KCNC2: variants seen among roughly 807,000 people sequenced by gnomAD.
The protein encoded by KCNC2 is potassium voltage-gated channel subfamily C member 2.
A neutral mutation model predicts 44.5 loss-of-function variants in KCNC2; 21 were observed. That is an observed-to-expected ratio of 0.47 (90% CI 0.33 to 0.68). The LOEUF is 0.68. KCNC2 is among the 30% of genes least tolerant of loss of function. The probability of loss-of-function intolerance (pLI) is 0.01; values close to 1 mark genes in which losing one functional copy is unlikely to be tolerated. For synonymous variants in KCNC2, 391 were observed against 339.1 expected, an observed-to-expected ratio of 1.15 and a Z score of -1.68; for missense variants, 589 against 826.2, an observed-to-expected ratio of 0.71 and a Z score of 3.52.
intron 2 of KCNC2, among the ~76,000 whole-genome samples, chr12:75,069,187 T>A (rs1007214493): frequency 6.3e-5 from 8 of 127,338 alleles, no homozygotes; most frequent in Non-Finnish European, 9.5e-5. Context: ...CAGGCTGGAG[T>A]GCAAAGACGT....
chr12:75,115,750 A>G (rs1011055692), intron 2 of KCNC2, among the ~76,000 whole-genome samples: 2 of 152,144 alleles, frequency 1.3e-5, no homozygotes, highest in African/African-American at 4.8e-5. Context: ...GATTCTTCGT[A>G]TCTTTTTTTA....
At chr12:75,096,675 CAA>C (rs1885951490) in intron 2 of KCNC2, among the ~76,000 whole-genome samples, 1 of 151,736 alleles carries the variant, frequency 6.6e-6, no homozygotes, top group Admixed American at 6.6e-5. Context: ...AAAACAATTG[CAA>C]AAAAGTACAT....
intron 2 of KCNC2, among the ~76,000 whole-genome samples, chr12:75,057,447 T>G (rs11180347): frequency 0.42 from 63,274 of 151,812 alleles, 16,461 homozygotes; most frequent in Non-Finnish European, 0.59. Context: ...CAGTTTCTTC[T>G]GAGGCTGTTG....
rs114176901 is a variant in KCNC2 at position 75,069,085 on chromosome 12, G to A, written c.688-17768C>T. 6.1e-3 allele frequency among the ~76,000 whole-genome samples: 835 copies of A among 137,364 alleles called. 6 individuals are homozygous for A. Among genetic ancestry groups the A allele is most frequent in the African/African-American group, 0.021 (807 of 38,528 alleles). The allele number at this position is 137,364 out of a possible 152,430, so 90.1% of individuals were successfully genotyped here. ...AAATACCTTAAACATAGCTAAAACA[G>A]AAACATGGCACAGGACTAAAAAACA... On this transcript the variant is annotated intron_variant, in intron 2 of 4. Coordinates refer to ENST00000549446, the MANE Select transcript of KCNC2 (RefSeq NM_139137.4).
At chr12:75,081,270 C>G (rs1884478226) in intron 2 of KCNC2, among the ~76,000 whole-genome samples, 1 of 151,908 alleles carries the variant, frequency 6.6e-6, no homozygotes, top group African/African-American at 2.4e-5. Flanking sequence ...AATTGTAATA[C>G]TCAGTTAATT....
At chr12:75,177,266 A>G (rs2926146) in intron 2 of KCNC2, among the ~76,000 whole-genome samples, 151,864 of 151,864 alleles carry the variant, frequency 1, 75,932 homozygotes, top group Non-Finnish European at 1. Flanking sequence ...GAACAATGAA[A>G]AAAGTAATGC....
intron 2 of KCNC2, among the ~76,000 whole-genome samples, chr12:75,067,981 A>T (rs1448663343): frequency 6.6e-6 from 1 of 152,172 alleles, no homozygotes; most frequent in East Asian, 1.9e-4. Context: ...TGGAATGATC[A>T]TGGAGTTTAT....
At chr12:75,088,256 G>A (rs956871791) in intron 2 of KCNC2, among the ~76,000 whole-genome samples, 1 of 151,986 alleles carries the variant, frequency 6.6e-6, no homozygotes, top group Non-Finnish European at 1.5e-5. Context: ...TACTTCCTAA[G>A]TTTCAGTTTC....
chr12:75,095,564 T>C (rs141723948), intron 2 of KCNC2, among the ~76,000 whole-genome samples: 4 of 151,954 alleles, frequency 2.6e-5, no homozygotes, highest in Non-Finnish European at 4.4e-5. Context: ...GATTTGGGTA[T>C]ACATGTTATT....
At chr12:75,162,901 G>A (rs1298244556) in intron 2 of KCNC2, among the ~76,000 whole-genome samples, 2 of 151,642 alleles carry the variant, frequency 1.3e-5, no homozygotes, top group African/African-American at 4.8e-5. Flanking sequence ...CTTAGACCAC[G>A]ACCTGCTTCC....
At chr12:75,204,735 C>G (rs777673893) in intron 2 of KCNC2, among the ~76,000 whole-genome samples, 41 of 152,018 alleles carry the variant, frequency 2.7e-4, no homozygotes, top group African/African-American at 9.7e-4. Flanking sequence ...AGTCAGATAA[C>G]GTTGTCAGGT....
In KCNC2 at chr12:75,192,931, A is replaced by AT. The variant is rs199681038; in HGVS notation, c.687+14365_687+14366insA. 3.7e-3 allele frequency among the ~76,000 whole-genome samples: 568 copies of AT among 152,330 alleles called. 1 individual carries two copies. The highest frequency in any genetic ancestry group is 0.013 in the African/African-American group (534 of 41,588). Reference sequence around the variant, plus strand: ...TTTTAAGCATTTTCACCACAAAAAAAGTATGTGAGGTGAGAAATTTATTCA... The same window carrying AT: ...TTTTAAGCATTTTCACCACAAAAAAATGTATGTGAGGTGAGAAATTTATTCA... On this transcript the variant is annotated intron_variant, in intron 2 of 4. Coordinates refer to ENST00000549446, the MANE Select transcript of KCNC2 (RefSeq NM_139137.4).
intron 1 of KCNC2, 75 bp from the exon 2 acceptor site, chr12:75,208,077 C>G (rs1439002836): frequency 6.4e-7 from 1 of 1,555,072 alleles, no homozygotes; most frequent in Non-Finnish European, 8.7e-7. Context: ...CACCACCAAC[C>G]CAGAGCGAGT....
chr12:75,118,030 C>CTTTT (rs1887799005), intron 2 of KCNC2, among the ~76,000 whole-genome samples: 1 of 152,184 alleles, frequency 6.6e-6, no homozygotes, highest in Non-Finnish European at 1.5e-5. Flanking sequence ...TGTCTCAAAA[C>CTTTT]AAGACTCATC....
rs1244135814 is a variant in KCNC2 at position 75,104,857 on chromosome 12, C to T, written c.688-53540G>A. On this transcript the variant is annotated intron_variant, in intron 2 of 4. Transcript: ENST00000549446. ...TATGGCTCCAGACTCAGGAATATTA[C>T]CACTGGGGCAGCACTTCCTTTTAAG... Among the ~76,000 whole-genome samples the T allele has an allele frequency of 2.0e-5, 3 of 152,242 alleles. No homozygotes were observed. The East Asian group carries it at 5.8e-4, about 29-fold the overall frequency.
chr12:75,202,884 TTTAG>T (rs1220245649), intron 2 of KCNC2, among the ~76,000 whole-genome samples: 39 of 151,624 alleles, frequency 2.6e-4, no homozygotes, highest in African/African-American at 8.9e-4. Context: ...AGATAATGCC[TTTAG>T]GAAACGTTTT....
chr12:75,123,811 T>C (rs572865580), intron 2 of KCNC2, among the ~76,000 whole-genome samples: 50 of 152,236 alleles, frequency 3.3e-4, no homozygotes, highest in African/African-American at 1.2e-3. Flanking sequence ...CAGGAGAAAC[T>C]TCAAAATCAG....
At chr12:75,185,071 C>G (rs1490856284) in intron 2 of KCNC2, among the ~76,000 whole-genome samples, 2 of 152,090 alleles carry the variant, frequency 1.3e-5, no homozygotes, top group Non-Finnish European at 2.9e-5. Context: ...GACTTTATAC[C>G]TGAAATGATT....
At chr12:75,128,034 C>G (rs997531541) in intron 2 of KCNC2, among the ~76,000 whole-genome samples, 2 of 151,950 alleles carry the variant, frequency 1.3e-5, no homozygotes, top group African/African-American at 4.8e-5. Context: ...GAAAAATCTT[C>G]CATGTAATAA....
Sources: gnomAD v4.1 joint callset for allele counts (sites outside exome capture counted in the v4.1 genomes callset) on GRCh38, gnomAD v4.1.1 for gene constraint, MANE v1.5 for transcripts, NCBI Gene and HGNC (gene_info 2026-07-23, HGNC 2026-07-21) for gene names.